The following COL23A1 variants were observed in gnomAD, a reference collection of about 807,000 sequenced individuals.
COL23A1 encodes the protein collagen alpha-1(XXIII) chain.
Under a neutral mutation model 99.3 loss-of-function variants are expected in COL23A1, and 97 were observed. The ratio of observed to expected loss-of-function variants is 0.98; its 90% confidence interval spans 0.83 to 1.16. COL23A1 has a LOEUF of 1.16. Ranked by LOEUF, COL23A1 falls within the 50% of genes most tolerant of loss-of-function variation. The pLI is 0.00. For missense variants in COL23A1, 762 were observed against 757.4 expected (o/e 1.01, Z -0.07); for synonymous variants, 320 against 308.2 (o/e 1.04, Z -0.40).
chr5:178,501,380 C>G lies in COL23A1; in HGVS notation c.361+59302G>C, dbSNP rs574208726. Among the ~76,000 whole-genome samples, 233 of 152,138 alleles carry G rather than the reference C, an allele frequency of 1.5e-3. 2 individuals are homozygous for G. The highest frequency in any genetic ancestry group is 4.3e-3 in the Admixed American group (66 of 15,286). ...GGTGAATCACCTGAGGTCAGGAGTT[C>G]GAGACCAGCCTGGTCAACATGATGA... On this transcript the variant is annotated intron_variant, in intron 2 of 28. Transcript: ENST00000390654.
chr5:178,437,137 G>A (rs1766603850), intron 2 of COL23A1, among the ~76,000 whole-genome samples: 1 of 152,066 alleles, frequency 6.6e-6, no homozygotes, highest in South Asian at 2.1e-4. Context: ...AGCAAGCCTC[G>A]GCCAGGAGGT....
intron 2 of COL23A1, among the ~76,000 whole-genome samples, chr5:178,432,325 T>A (rs774006694): frequency 9.9e-5 from 15 of 152,096 alleles, no homozygotes; most frequent in Non-Finnish European, 2.1e-4. Flanking sequence ...TTGGAGGAAT[T>A]GAAAAGCCAA....
At position 178,280,897 on chromosome 5, in the gene COL23A1, C is replaced by T. The variant is rs928318121; in HGVS notation, c.441+7427G>A. ...GGGAGCCGAGGGCGGAGCAGCAGCT[C>T]GGGCCCCACTGACCTGGGGTGGCCG... On this transcript the variant is annotated intron_variant, in intron 5 of 28. Coordinates refer to ENST00000390654, the MANE Select transcript of COL23A1 (RefSeq NM_173465.4). This position sits in a 1 kb window ranked among gnomAD's most constrained non-coding sequence, Gnocchi z 4.9. Among the ~76,000 whole-genome samples, 9 of 152,174 alleles carry T rather than the reference C, an allele frequency of 5.9e-5. No homozygotes were observed. Among genetic ancestry groups the T allele is most frequent in the Non-Finnish European group, 8.8e-5 (6 of 68,038 alleles).
chr5:178,258,236 AATAT>A lies in COL23A1; in HGVS notation c.730-673_730-670del, dbSNP rs70994992. On this transcript the variant is annotated intron_variant, in intron 12 of 28. Transcript: ENST00000390654. Reference sequence around the variant, plus strand: ...GTGACAGAGTGAGATCCTGTCTTAAAATATATATATATATATATATATATATACA... The same window carrying A: ...GTGACAGAGTGAGATCCTGTCTTAAAATATATATATATATATATATATACA... Among the ~76,000 whole-genome samples, 239 of 71,934 alleles carry A rather than the reference AATAT, an allele frequency of 3.3e-3. 18 individuals are homozygous for A. Among genetic ancestry groups the A allele is most frequent in the Non-Finnish European group, 3.6e-3 (124 of 34,828 alleles). The allele number at this position is 71,934 out of a possible 152,430, so 47.2% of individuals were successfully genotyped here.
intron 25 of COL23A1, among the ~76,000 whole-genome samples, chr5:178,244,585 A>C (rs1459448044): frequency 6.6e-6 from 1 of 152,220 alleles, no homozygotes; most frequent in Non-Finnish European, 1.5e-5. Context: ...GCCTGGCAGG[A>C]TGCTGGTCTC....
intron 2 of COL23A1, among the ~76,000 whole-genome samples, chr5:178,331,611 C>T (rs771248958): frequency 6.6e-6 from 1 of 152,194 alleles, no homozygotes; most frequent in African/African-American, 2.4e-5. Flanking sequence ...CAGAGGCAGC[C>T]ACCGACAGGA....
chr5:178,254,887 G>C, intron 16 of COL23A1, 62 bp downstream of exon 16: 1 of 1,408,764 alleles, frequency 7.1e-7, no homozygotes, highest in Non-Finnish European at 1.0e-6. Context: ...CACAAAGGGA[G>C]TGATTATTCC....
intron 2 of COL23A1, among the ~76,000 whole-genome samples, chr5:178,320,314 G>A (rs1390466140): frequency 1.3e-5 from 2 of 152,168 alleles, no homozygotes; most frequent in African/African-American, 4.8e-5. Flanking sequence ...TCCCCAGGCC[G>A]GAACAATGGT....
intron 1 of COL23A1, chr5:178,562,681 AACAAAGC>A (rs1300579011): frequency 2.0e-5 from 3 of 149,964 alleles, no homozygotes; most frequent in African/African-American, 7.5e-5. Flanking sequence ...AGAGCAAAAG[AACAAAGC>A]TCCCACAAGG....
At chr5:178,332,568 T>C (rs1194888208) in intron 2 of COL23A1, among the ~76,000 whole-genome samples, 1 of 152,094 alleles carries the variant, frequency 6.6e-6, no homozygotes, top group African/African-American at 2.4e-5. Context: ...CCTTCATGAC[T>C]CCCTGGCAGG....
At chr5:178,579,752 A>G (rs991252428) in intron 1 of COL23A1, among the ~76,000 whole-genome samples, 15 of 152,040 alleles carry the variant, frequency 9.9e-5, no homozygotes, top group Admixed American at 6.6e-5. Flanking sequence ...GCGTCTGGCC[A>G]AGGCTGAAGT....
At chr5:178,305,655 G>A (rs1377828692) in intron 3 of COL23A1, among the ~76,000 whole-genome samples, 1 of 152,204 alleles carries the variant, frequency 6.6e-6, no homozygotes, top group Non-Finnish European at 1.5e-5. Flanking sequence ...AGTCCAGGTA[G>A]AGGAGGAGAT....
At chr5:178,239,250 C>T in intron 27 of COL23A1, 71 bp from the exon 28 acceptor site, 2 of 1,565,566 alleles carry the variant, frequency 1.3e-6, no homozygotes, top group South Asian at 1.1e-5. Context: ...CATGCCCTCC[C>T]CTGGTCTGTA....
At chr5:178,585,207 G>A (rs940739436) in intron 1 of COL23A1, among the ~76,000 whole-genome samples, 14 of 152,150 alleles carry the variant, frequency 9.2e-5, no homozygotes, top group African/African-American at 3.4e-4. Flanking sequence ...AACTTAGGCG[G>A]GCCAGTGGAT....
At chr5:178,424,643 A>G (rs1256650340) in intron 2 of COL23A1, among the ~76,000 whole-genome samples, 1 of 152,204 alleles carries the variant, frequency 6.6e-6, no homozygotes, top group African/African-American at 2.4e-5. Flanking sequence ...GTCAGGACTA[A>G]TGGTCCTAGA....
chr5:178,358,270 ATATG>A (rs1561896951), intron 2 of COL23A1, among the ~76,000 whole-genome samples: 2 of 127,856 alleles, frequency 1.6e-5, no homozygotes, highest in Non-Finnish European at 3.2e-5. Flanking sequence ...ATATGTGTGT[ATATG>A]TGTGTATGCG....
Position 178,472,925 on chromosome 5 carries a change from G to T in COL23A1, c.361+87757C>A, listed in dbSNP as rs1035527407. ...GGGTTGCTTGAGCCTGGGAGTTCAA[G>T]ACCAGCCTGGACAACAGAGTGAGAC... On this transcript the variant is annotated intron_variant, in intron 2 of 28. Transcript: ENST00000390654. 8.5e-5 allele frequency among the ~76,000 whole-genome samples: 13 copies of T among 152,248 alleles called. No homozygotes were observed. The South Asian group carries it at 2.1e-3, about 24-fold the overall frequency.
chr5:178,478,526 C>T (rs1463199030), intron 2 of COL23A1, among the ~76,000 whole-genome samples: 3 of 152,158 alleles, frequency 2.0e-5, no homozygotes, highest in Admixed American at 6.5e-5. Context: ...TCCAGTATCC[C>T]CCACACCAGC....
Position 178,523,201 on chromosome 5 carries a change from T to TAGAG in COL23A1, c.361+37477_361+37480dup, listed in dbSNP as rs70997609. Among the ~76,000 whole-genome samples, 112 of 77,570 alleles carry TAGAG rather than the reference T, an allele frequency of 1.4e-3. 2 individuals carry two copies. The highest frequency in any genetic ancestry group is 2.6e-3 in the East Asian group (8 of 3,036). The allele number at this position is 77,570 out of a possible 152,430, so 50.9% of individuals were successfully genotyped here. ...ATACACATATATATATATATATATA[T>TAGAG]AGAGAGAGAGAGAGAGAGAGAGAGA... On this transcript the variant is annotated intron_variant, in intron 2 of 28. Coordinates refer to ENST00000390654, the MANE Select transcript of COL23A1 (RefSeq NM_173465.4).
Sources: allele counts gnomAD v4.1 joint callset (sites outside exome capture counted in the v4.1 genomes callset), GRCh38; gene constraint gnomAD v4.1.1; non-coding constraint Gnocchi (gnomAD v3.1); transcripts MANE v1.5; gene names NCBI Gene and HGNC (gene_info 2026-07-23, HGNC 2026-07-21).